Variants in EYS observed in about 807,000 individuals in gnomAD.
EYS encodes the protein protein eyes shut homolog.
A neutral mutation model predicts 282.1 loss-of-function variants in EYS; 250 were observed. The ratio of observed to expected loss-of-function variants is 0.89; its 90% CI spans 0.80 to 0.98. The LOEUF (loss-of-function observed/expected upper bound fraction) is 0.98. Among genes scored for constraint, EYS ranks in the 50% least tolerant of loss-of-function variants. EYS has a pLI of 0.00. For synonymous variants in EYS, 1,355 were observed against 1,282.9 expected (o/e 1.06, Z -1.20); for missense variants, 4,016 against 3,709.0 (o/e 1.08, Z -2.15).
intron 12 of EYS, among the ~76,000 whole-genome samples, chr6:65,143,452 C>G (rs1000972633): frequency 7.9e-5 from 12 of 151,554 alleles, no homozygotes; most frequent in African/African-American, 2.9e-4. Context: ...TTTATTATAA[C>G]CAATAATATT....
chr6:65,643,063 C>A (rs1767332503), intron 1 of EYS, among the ~76,000 whole-genome samples: 1 of 152,210 alleles, frequency 6.6e-6, no homozygotes, highest in East Asian at 1.9e-4. Context: ...ATTGCTACTG[C>A]AGGCTCCCTG....
intron 35 of EYS, among the ~76,000 whole-genome samples, chr6:63,923,190 G>C (rs968837487): frequency 6.6e-6 from 1 of 152,062 alleles, no homozygotes; most frequent in African/African-American, 2.4e-5. Flanking sequence ...TTTTTTTAGT[G>C]TGTTAATTTC....
At chr6:65,491,268 T>TACACAC (rs775885592) in intron 4 of EYS, 113 of 160,730 alleles carry the variant, frequency 7.0e-4, no homozygotes, top group East Asian at 1.4e-3. Flanking sequence ...ATATCAGTTA[T>TACACAC]ATACACACAC....
intron 31 of EYS, among the ~76,000 whole-genome samples, chr6:64,132,801 A>G (rs1774027311): frequency 7.6e-6 from 1 of 132,098 alleles, no homozygotes; most frequent in Non-Finnish European, 1.5e-5. Context: ...TATAATACAA[A>G]TGAATGTTCA....
At chr6:63,834,699 T>C (rs1374044279) in intron 36 of EYS, among the ~76,000 whole-genome samples, 6 of 151,654 alleles carry the variant, frequency 4.0e-5, no homozygotes, top group Non-Finnish European at 8.8e-5. Flanking sequence ...ATCCCATTAC[T>C]GGGCATATAC....
intron 14 of EYS, among the ~76,000 whole-genome samples, chr6:64,993,459 C>T (rs1771142167): frequency 6.6e-6 from 1 of 151,096 alleles, no homozygotes. Flanking sequence ...CCATCATTCT[C>T]AGCAAACTAC....
At chr6:64,196,844 T>C (rs1018998529) in intron 31 of EYS, among the ~76,000 whole-genome samples, 1 of 151,980 alleles carries the variant, frequency 6.6e-6, no homozygotes, top group East Asian at 1.9e-4. Flanking sequence ...TGTATACATA[T>C]GTAACTAACC....
intron 12 of EYS, among the ~76,000 whole-genome samples, chr6:65,089,986 CACACACACACACACACACACAA>C (rs901371977): frequency 6.8e-6 from 1 of 146,170 alleles, no homozygotes; most frequent in Admixed American, 6.9e-5. Context: ...AATAAATACA[CACACACACACACACACACACAA>C]ACACACACAC....
chr6:64,046,363 TTCTC>T (rs1247571776), intron 33 of EYS, among the ~76,000 whole-genome samples: 1 of 150,264 alleles, frequency 6.7e-6, no homozygotes. Flanking sequence ...ATTTATCTGT[TTCTC>T]TCTCTCTCTC....
At chr6:64,618,597 T>C (rs899853526) in intron 23 of EYS, among the ~76,000 whole-genome samples, 1 of 152,168 alleles carries the variant, frequency 6.6e-6, no homozygotes, top group Admixed American at 6.6e-5. Flanking sequence ...AACAAAACAA[T>C]TAAATACATA....
At chr6:64,711,720 A>G (rs1447822733) in intron 22 of EYS, among the ~76,000 whole-genome samples, 1 of 152,240 alleles carries the variant, frequency 6.6e-6, no homozygotes, top group Non-Finnish European at 1.5e-5. Context: ...AAATATTCTA[A>G]GTATGCTATT....
At chr6:65,143,966 A>G (rs760531239) in intron 12 of EYS, among the ~76,000 whole-genome samples, 3 of 151,988 alleles carry the variant, frequency 2.0e-5, no homozygotes, top group Admixed American at 6.6e-5. Context: ...GTTCCTCAGT[A>G]TTGGGTTAAA....
chr6:64,705,173 A>G (rs1770961485), intron 22 of EYS, among the ~76,000 whole-genome samples: 1 of 152,198 alleles, frequency 6.6e-6, no homozygotes, highest in African/African-American at 2.4e-5. Context: ...CAGCTCTGCT[A>G]TACACCAACA....
intron 22 of EYS, among the ~76,000 whole-genome samples, chr6:64,647,174 C>T (rs993719798): frequency 1.3e-5 from 2 of 152,144 alleles, no homozygotes; most frequent in South Asian, 4.1e-4. Context: ...AATTACATCA[C>T]TTGAAAATTC....
intron 31 of EYS, among the ~76,000 whole-genome samples, chr6:64,155,141 C>T (rs1483895349): frequency 1.3e-5 from 2 of 152,206 alleles, no homozygotes; most frequent in East Asian, 3.9e-4. Context: ...TAAACTTAAC[C>T]TGCTTTACAA....
chr6:64,736,368 G>A (rs1197008039), intron 22 of EYS, among the ~76,000 whole-genome samples: 1 of 152,050 alleles, frequency 6.6e-6, no homozygotes, highest in Non-Finnish European at 1.5e-5. Flanking sequence ...TGACTTCCTA[G>A]AATATTTTAG....
At chr6:64,237,108 C>A (rs1039918804) in intron 30 of EYS, among the ~76,000 whole-genome samples, 3 of 152,084 alleles carry the variant, frequency 2.0e-5, no homozygotes, top group Non-Finnish European at 2.9e-5. Flanking sequence ...CCAATAATTT[C>A]TTTATCAAAT....
chr6:64,800,519 G>A (rs887382490), intron 22 of EYS, among the ~76,000 whole-genome samples: 1 of 149,964 alleles, frequency 6.7e-6, no homozygotes, highest in Admixed American at 6.6e-5. Flanking sequence ...ACCTACATAA[G>A]GAAAGTATAA....
intron 31 of EYS, among the ~76,000 whole-genome samples, chr6:64,219,346 T>TA (rs1476246788): frequency 2.0e-5 from 3 of 152,162 alleles, no homozygotes. Context: ...TGTCACAAAC[T>TA]AAGAGGGTAG....
Sources: gnomAD v4.1 joint callset for allele counts (sites outside exome capture counted in the v4.1 genomes callset) on GRCh38, gnomAD v4.1.1 for gene constraint, MANE v1.5 for transcripts, NCBI Gene and HGNC (gene_info 2026-07-23, HGNC 2026-07-21) for gene names.